The following FAM210A variants were observed in gnomAD, a reference collection of about 807,000 sequenced individuals.
The protein encoded by FAM210A is family with sequence similarity 210 member A.
FAM210A carries 13 observed loss-of-function variants against 25.3 expected under a neutral mutation model. That is an observed-to-expected ratio of 0.51 (90% CI 0.33 to 0.82). The LOEUF is 0.82. FAM210A is among the 40% of genes least tolerant of loss of function. FAM210A has a pLI of 0.02. For missense variants in FAM210A, 319 were observed against 323.2 expected (o/e 0.99, Z 0.10); for synonymous variants, 125 against 118.7 (o/e 1.05, Z -0.35).
intron 1 of FAM210A, among the ~76,000 whole-genome samples, chr18:13,704,415 G>A (rs981789727): frequency 6.6e-6 from 1 of 152,096 alleles, no homozygotes; most frequent in Non-Finnish European, 1.5e-5. Flanking sequence ...AAGCACAATA[G>A]GGTTTTCTTA....
chr18:13,713,725 A>AACACACAAACACACACACAC (rs1708531451), intron 1 of FAM210A, among the ~76,000 whole-genome samples: 1 of 141,898 alleles, frequency 7.0e-6, no homozygotes, highest in Non-Finnish European at 1.5e-5. Flanking sequence ...GTCACTATAA[A>AACACACAAACACACACACAC]ACACACACAC....
At chr18:13,683,523 T>C in intron 1 of FAM210A, among the ~76,000 whole-genome samples, 1 of 151,146 alleles carries the variant, frequency 6.6e-6, no homozygotes, top group Admixed American at 6.6e-5. Flanking sequence ...TGTGAACAGC[T>C]ACTCCACTCC....
rs762433160 is a variant in FAM210A, at chr18:13,671,960, C to G, written c.487G>C (p.Val163Leu). Residue 163 changes from valine to leucine, a missense_variant, in exon 3 of 4, where the codon GTT becomes CTT. Physicochemically the swap from Val to Leu is conservative, Grantham distance 32 (BLOSUM62 1). Coordinates refer to ENST00000651643, the MANE Select transcript of FAM210A (RefSeq NM_152352.4). ...YYAALKGVNV[V>L]PFLELIGLPD... ...AACCCAATGAGTTCTAGAAAAGGAACGACATTCACTCCTCTACAAAAAAAA... is the reference window on the plus strand; with the variant it reads ...AACCCAATGAGTTCTAGAAAAGGAAGGACATTCACTCCTCTACAAAAAAAA... 2.5e-6 allele frequency: 4 copies of G among 1,606,738 alleles called. 1 individual carries two copies. The South Asian group carries it at 4.4e-5, about 18-fold the overall frequency.
At chr18:13,715,358 G>GA (rs940033182) in intron 1 of FAM210A, 2 of 152,188 alleles carry the variant, frequency 1.3e-5, no homozygotes, top group Non-Finnish European at 2.9e-5. Flanking sequence ...CCCACTAGCT[G>GA]AGACTACAGG....
chr18:13,684,873 G>A (rs1404138626), intron 1 of FAM210A, among the ~76,000 whole-genome samples: 1 of 151,740 alleles, frequency 6.6e-6, no homozygotes, highest in South Asian at 2.1e-4. Flanking sequence ...CAAACTAAAA[G>A]AGATACTAGA....
At chr18:13,687,475 T>C (rs751504547) in intron 1 of FAM210A, among the ~76,000 whole-genome samples, 5 of 152,156 alleles carry the variant, frequency 3.3e-5, no homozygotes, top group Admixed American at 6.5e-5. Context: ...ATCTCAGGTA[T>C]TGGACGAGTG....
chr18:13,696,938 A>C (rs2043699240), intron 1 of FAM210A, among the ~76,000 whole-genome samples: 1 of 152,184 alleles, frequency 6.6e-6, no homozygotes, highest in African/African-American at 2.4e-5. Flanking sequence ...GCTCCAATTC[A>C]TGGTAAGTAC....
chr18:13,711,447 T>C lies in FAM210A; in HGVS notation c.-29+14882A>G, dbSNP rs560874276. On this transcript the variant is annotated intron_variant, in intron 1 of 3. Transcript: ENST00000651643. ...AAACAAAACAAAAAAACCAGCCTTCTCTTTTTCACTACCTCCCATACCAAA... is the reference window on the plus strand; with the variant it reads ...AAACAAAACAAAAAAACCAGCCTTCCCTTTTTCACTACCTCCCATACCAAA... Among the ~76,000 whole-genome samples, 71 of 152,260 alleles carry C rather than the reference T, an allele frequency of 4.7e-4. 1 individual carries two copies. The highest frequency in any genetic ancestry group is 1.7e-3 in the African/African-American group (69 of 41,542).
intron 1 of FAM210A, among the ~76,000 whole-genome samples, chr18:13,721,675 A>G (rs377362748): frequency 6.6e-6 from 1 of 152,130 alleles, no homozygotes; most frequent in East Asian, 1.9e-4. Flanking sequence ...CCAGTTATGC[A>G]TCCTGGAACT....
chr18:13,672,742 T>C (rs1041641896), intron 2 of FAM210A, among the ~76,000 whole-genome samples: 2 of 151,718 alleles, frequency 1.3e-5, no homozygotes, highest in Non-Finnish European at 2.9e-5. Flanking sequence ...AATTGCACTG[T>C]AAAAGCAAGA....
At chr18:13,706,276 A>C (rs1282774995) in intron 1 of FAM210A, among the ~76,000 whole-genome samples, 1 of 150,786 alleles carries the variant, frequency 6.6e-6, no homozygotes, top group African/African-American at 2.5e-5. Context: ...ACAGATGAAG[A>C]GTTCTACTAC....
At chr18:13,700,514 A>T (rs566389546) in intron 1 of FAM210A, among the ~76,000 whole-genome samples, 1 of 152,244 alleles carries the variant, frequency 6.6e-6, no homozygotes, top group East Asian at 1.9e-4. Context: ...GAAGACCCCC[A>T]CCAAGGAACT....
At chr18:13,713,975 C>A (rs72886137) in intron 1 of FAM210A, among the ~76,000 whole-genome samples, 7 of 152,174 alleles carry the variant, frequency 4.6e-5, no homozygotes, top group African/African-American at 7.2e-5. Context: ...AATTATAACT[C>A]CTCCAGGGGT....
chr18:13,714,538 AAT>A (rs1220519032), intron 1 of FAM210A, among the ~76,000 whole-genome samples: 2 of 152,222 alleles, frequency 1.3e-5, no homozygotes, highest in Non-Finnish European at 2.9e-5. Flanking sequence ...AAAGCAGGTT[AAT>A]ATACAGCAAG....
intron 1 of FAM210A, among the ~76,000 whole-genome samples, chr18:13,722,427 T>C (rs2043904482): frequency 6.6e-6 from 1 of 152,004 alleles, no homozygotes; most frequent in Non-Finnish European, 1.5e-5. Context: ...AAACCGGCAA[T>C]GTCTTGCAAG....
chr18:13,677,105 C>T (rs901702409), intron 2 of FAM210A, among the ~76,000 whole-genome samples: 14 of 150,062 alleles, frequency 9.3e-5, no homozygotes, highest in African/African-American at 3.4e-4. Context: ...GACAGAGTCT[C>T]GCTCTGTCGC....
In FAM210A at chr18:13,663,497, G is replaced by C. The variant is rs2043376291; in HGVS notation, c.*2983C>G. 6.6e-6 allele frequency: 1 copy of C among 152,100 alleles called. No individual in the cohort carries two copies. The highest frequency in any genetic ancestry group is 2.1e-4 in the South Asian group (1 of 4,830). 9.4% of individuals were successfully genotyped at this position (152,100 alleles called of 1,614,324 possible). On this transcript the variant is annotated 3_prime_UTR_variant, in exon 4 of 4. Coordinates refer to ENST00000651643, the MANE Select transcript of FAM210A (RefSeq NM_152352.4). ...TCAGTGAAATACATTTTTTGATGTG[G>C]TTGGTTTTGCTCTTATTCCTGAATA...
At chr18:13,689,814 G>A (rs529121572) in intron 1 of FAM210A, among the ~76,000 whole-genome samples, 1 of 152,314 alleles carries the variant, frequency 6.6e-6, no homozygotes, top group African/African-American at 2.4e-5. Flanking sequence ...GTTCCAAGAC[G>A]GCCAAATAGG....
chr18:13,694,685 T>A (rs1194820531), intron 1 of FAM210A, among the ~76,000 whole-genome samples: 1 of 152,308 alleles, frequency 6.6e-6, no homozygotes, highest in East Asian at 1.9e-4. Context: ...TGAAACTGGA[T>A]CCCTTCCTTA....
Sources: gnomAD v4.1 joint callset for allele counts (sites outside exome capture counted in the v4.1 genomes callset) on GRCh38, gnomAD v4.1.1 for gene constraint, MANE v1.5 for transcripts, NCBI Gene and HGNC (gene_info 2026-07-23, HGNC 2026-07-21) for gene names.